The following BABAM1 variants were observed in gnomAD, a reference collection of about 807,000 sequenced individuals.
BABAM1 encodes the protein BRISC and BRCA1-A complex member 1.
A neutral mutation model predicts 34.4 loss-of-function variants in BABAM1; 14 were observed. The observed-to-expected ratio is 0.41, with a 90% CI of 0.27 to 0.64. The LOEUF (loss-of-function observed/expected upper bound fraction) is 0.64, where lower values mean the gene tolerates loss of function less well. Ranked by LOEUF, BABAM1 falls within the 30% of genes least tolerant of loss-of-function variation. The pLI is 0.34. For missense variants in BABAM1, 393 were observed against 434.0 expected (o/e 0.91, Z 0.84); for synonymous variants, 169 against 165.8 (o/e 1.02, Z -0.15).
At chr19:17,268,595 A>G (rs2073798074) in intron 1 of BABAM1, 199 bp from the exon 2 acceptor site, 1 of 494,002 alleles carries the variant, frequency 2.0e-6, no homozygotes, top group African/African-American at 2.0e-5. Context: ...ACGCCCGGCT[A>G]ATTTTGTATT....
At chr19:17,270,582 G>A (rs979117061) in intron 2 of BABAM1, among the ~76,000 whole-genome samples, 1 of 144,150 alleles carries the variant, frequency 6.9e-6, no homozygotes, top group Non-Finnish European at 1.5e-5. Flanking sequence ...CTGGTGTGCA[G>A]TGGCGTGATC....
chr19:17,273,559 G>GTTTTTTTTTTT (rs1252906493), intron 3 of BABAM1, among the ~76,000 whole-genome samples: 86 of 24,558 alleles, frequency 3.5e-3, no homozygotes, highest in Non-Finnish European at 6.0e-3. Flanking sequence ...TTTTTTGTTT[G>GTTTTTTTTTTT]TTTTGTTTTT....
At chr19:17,272,815 G>A (rs561713053) in intron 3 of BABAM1, among the ~76,000 whole-genome samples, 1 of 152,104 alleles carries the variant, frequency 6.6e-6, no homozygotes, top group East Asian at 2.0e-4. Flanking sequence ...TCTGGAGTTC[G>A]AGACCAGCCT....
Position 17,269,003 on chromosome 19 carries a change from C to T in BABAM1, c.197C>T (p.Ser66Leu), listed in dbSNP as rs1316349107. 6.3e-7 allele frequency: 1 copy of T among 1,586,660 alleles called. No individual in the cohort carries two copies. The highest frequency in any genetic ancestry group is 8.6e-7 in the Non-Finnish European group (1 of 1,167,614). ...GCTGATGATGGGAGCCTCAACACTT[C>T]AGGAGCCGGCCCTAAGTCCTGGCAG... is the stretch of plus-strand genomic sequence containing the variant. ...ASADDGSLNT[S>L]GAGPKSWQVP... Residue 66 changes from serine (S) to leucine (L), a missense_variant, in exon 2 of 9, where the codon TCA (serine) becomes TTA (leucine). Coordinates refer to ENST00000598188, the MANE Select transcript of BABAM1 (RefSeq NM_014173.4).
rs188416220 is a variant in BABAM1, at chr19:17,267,476, T to C, written c.-65T>C. 3 of 152,252 alleles carry C rather than the reference T, an allele frequency of 2.0e-5. No individual in the cohort carries two copies. The highest frequency in any genetic ancestry group is 7.2e-5 in the African/African-American group (3 of 41,564). The allele number at this position is 152,252 out of a possible 1,614,324, so 9.4% of individuals were successfully genotyped here. ...TCCGGCTGTAAAGATGGCGGCTTCC[T>C]AGTGAGTCGGCGGCTGATTTAGAAG... On this transcript the variant is annotated 5_prime_UTR_variant, in exon 1 of 9. The change abolishes the stop of an existing upstream ORF in the 5' untranslated region. Transcript: ENST00000598188.
At chr19:17,267,633 T>A (rs1319669131) in intron 1 of BABAM1, 106 bp downstream of exon 1, 1 of 152,246 alleles carries the variant, frequency 6.6e-6, no homozygotes, top group Non-Finnish European at 1.5e-5. Context: ...TATTTCTGGT[T>A]TCTCCTGCAG....
intron 8 of BABAM1, among the ~76,000 whole-genome samples, 171 bp from the exon 9 acceptor site, chr19:17,278,674 C>T (rs1031717211): frequency 2.1e-4 from 32 of 152,134 alleles, no homozygotes; most frequent in Admixed American, 2.0e-3. Context: ...GGGTCCATGG[C>T]GGGGAATGTT....
chr19:17,274,080 C>G (rs995168021), intron 4 of BABAM1, 27 bp from the exon 5 acceptor site: 6 of 1,613,676 alleles, frequency 3.7e-6, no homozygotes, highest in Non-Finnish European at 5.1e-6. Flanking sequence ...CGGGGAGCAT[C>G]GCACTGAGGC....
At chr19:17,270,587 G>A (rs1209549744) in intron 2 of BABAM1, among the ~76,000 whole-genome samples, 3 of 145,312 alleles carry the variant, frequency 2.1e-5, no homozygotes, top group Non-Finnish European at 4.5e-5. Flanking sequence ...GTGCAGTGGC[G>A]TGATCTCAGC....
intron 3 of BABAM1, 48 bp downstream of exon 3, chr19:17,271,703 G>A (rs1278769055): frequency 6.3e-7 from 1 of 1,586,998 alleles, no homozygotes; most frequent in South Asian, 1.1e-5. Flanking sequence ...GGCAGGGAGG[G>A]TCCAGCCCAA....
chr19:17,271,505 T>C, intron 2 of BABAM1, 92 bp from the exon 3 acceptor site: 1 of 1,418,436 alleles, frequency 7.1e-7, no homozygotes, highest in Non-Finnish European at 9.8e-7. Context: ...ATACTGCCTT[T>C]TCAGACAAGG....
chr19:17,278,331 C>T lies in BABAM1; in HGVS notation c.787-514C>T, dbSNP rs187685021. 1.2e-3 allele frequency among the ~76,000 whole-genome samples: 174 copies of T among 144,346 alleles called. 4 individuals are homozygous for T. The East Asian group carries it at 0.034, about 28-fold the overall frequency. The allele number at this position is 144,346 out of a possible 152,430, so 94.7% of individuals were successfully genotyped here. On this transcript the variant is annotated intron_variant, in intron 8 of 8. Transcript: ENST00000598188. ...TGGGGACTCTTTTTTTTTTTTGAGG[C>T]GGAGTCTCGCTCTGTCGCCCAGGCT... is the stretch of plus-strand genomic sequence containing the variant.
rs779788708 is a variant in BABAM1 at position 17,276,884 on chromosome 19, A to T, written c.761A>T (p.Glu254Val). ...GTTTACATCCACAATGGCACTGAGG[A>T]GAAGGAGGAGGAGATGAGTTGGAAG... is the stretch of plus-strand genomic sequence containing the variant. ...DVVYIHNGTE[E>V]KEEEMSWKDM... Residue 254 changes from glutamate (E) to valine (V), a missense_variant, in exon 8 of 9, where the codon GAG (glutamate) becomes GTG (valine). Coordinates refer to ENST00000598188, the MANE Select transcript of BABAM1 (RefSeq NM_014173.4). 1.2e-6 allele frequency: 2 copies of T among 1,601,166 alleles called. No individual in the cohort carries two copies. Among genetic ancestry groups the T allele is most frequent in the East Asian group, 4.5e-5 (2 of 44,460 alleles).
In BABAM1 at chr19:17,275,842, GA is replaced by G; in HGVS notation, c.569+20del. Reference sequence around the variant, plus strand: ...CAGCCTCATGTAAGTCCCCTGTGGGGAAATTCTTATTCACCTTCAAAGAGAA... The same window carrying G: ...CAGCCTCATGTAAGTCCCCTGTGGGGAATTCTTATTCACCTTCAAAGAGAA... On this transcript the variant is annotated intron_variant, in intron 6 of 8. Coordinates refer to ENST00000598188, the MANE Select transcript of BABAM1 (RefSeq NM_014173.4). 4 of 1,611,774 alleles carry G rather than the reference GA, an allele frequency of 2.5e-6. No individual in the cohort carries two copies. The East Asian group carries it at 6.7e-5, about 27-fold the overall frequency.
At chr19:17,270,845 G>A (rs528572941) in intron 2 of BABAM1, among the ~76,000 whole-genome samples, 2 of 151,744 alleles carry the variant, frequency 1.3e-5, no homozygotes, top group African/African-American at 4.8e-5. Flanking sequence ...CCGCCACCAC[G>A]CCTGGCTAAT....
chr19:17,276,069 G>A (rs967903876), intron 6 of BABAM1, among the ~76,000 whole-genome samples: 5 of 152,274 alleles, frequency 3.3e-5, no homozygotes, highest in African/African-American at 9.6e-5. Context: ...GAGGGTGGCC[G>A]GGCCCAGTGG....
At chr19:17,271,913 A>G (rs144697244) in intron 3 of BABAM1, among the ~76,000 whole-genome samples, 57 of 152,204 alleles carry the variant, frequency 3.7e-4, no homozygotes, top group African/African-American at 1.3e-3. Flanking sequence ...TAAAAAAATA[A>G]AATATATATA....
Position 17,276,549 on chromosome 19 carries a change from A to G in BABAM1, c.624A>G (p.Pro208=), listed in dbSNP as rs1020875907. 6.2e-7 allele frequency: 1 copy of G among 1,605,626 alleles called. No individual in the cohort carries two copies. Among genetic ancestry groups the G allele is most frequent in the South Asian group, 1.1e-5 (1 of 89,152 alleles). The change falls in exon 7 of 9, where the codon CCA becomes CCG. Residue 208 remains proline (P), a synonymous_variant. Coordinates refer to ENST00000598188, the MANE Select transcript of BABAM1 (RefSeq NM_014173.4). The stretch of plus-strand genomic sequence containing the variant: ...AGAACGTGCAGACGATTCCCCCGCC[A>G]TATGTGGTCCGCACCATCCTTGTCT... ...VTENVQTIPP[P]YVVRTILVYS... is the part of the protein sequence containing the mutation.
At chr19:17,278,534 C>T (rs2073938647) in intron 8 of BABAM1, among the ~76,000 whole-genome samples, 1 of 151,934 alleles carries the variant, frequency 6.6e-6, no homozygotes. Flanking sequence ...TGGTCTTGAT[C>T]TCCTGACCTT....
Sources: allele counts gnomAD v4.1 joint callset (sites outside exome capture counted in the v4.1 genomes callset), GRCh38; gene constraint gnomAD v4.1.1; transcripts MANE v1.5; gene names NCBI Gene and HGNC (gene_info 2026-07-23, HGNC 2026-07-21).